Variants in MIS18BP1 observed in about 807,000 individuals in gnomAD.
MIS18BP1 encodes mis18-binding protein 1.
In MIS18BP1, 72 loss-of-function variants were observed where a neutral mutation model predicts 116.1. That is an observed-to-expected ratio of 0.62 (90% confidence interval 0.51 to 0.75). MIS18BP1 has a LOEUF of 0.75. Among genes scored for constraint, MIS18BP1 ranks in the 30% least tolerant of loss-of-function variants. MIS18BP1 has a pLI of 0.00. For missense variants in MIS18BP1, 1,363 were observed against 1,303.2 expected (o/e 1.05, Z -0.71); for synonymous variants, 386 against 427.0 (o/e 0.90, Z 1.18).
intron 13 of MIS18BP1, among the ~76,000 whole-genome samples, chr14:45,215,850 G>T (rs1431301017): frequency 1.3e-5 from 2 of 151,660 alleles, no homozygotes; most frequent in South Asian, 4.2e-4. Context: ...GACTACAGGC[G>T]GCCGCCACCA....
chr14:45,227,340 C>T (rs1185316098), intron 9 of MIS18BP1, among the ~76,000 whole-genome samples: 2 of 151,936 alleles, frequency 1.3e-5, no homozygotes, highest in Non-Finnish European at 2.9e-5. Flanking sequence ...AACCCCGTTA[C>T]TACTAAAAAT....
intron 11 of MIS18BP1, among the ~76,000 whole-genome samples, chr14:45,222,479 T>C (rs1891000845): frequency 6.6e-6 from 1 of 152,198 alleles, no homozygotes; most frequent in African/African-American, 2.4e-5. Context: ...ATGTTAATAT[T>C]TTTATTTTAG....
In MIS18BP1 at chr14:45,227,670, GATAAGT is replaced by G. The variant is rs770391426; in HGVS notation, c.1733_1738del (p.Asp578_Ser580delinsAla). The stretch of plus-strand genomic sequence containing the variant: ...TGTACAATAAAGCCTTACCTGATTA[GATAAGT>G]CATCTCCTCCTCCATTTTGAATAGT... On this transcript the variant is annotated inframe_deletion, in exon 9 of 17. Coordinates refer to ENST00000310806, the MANE Select transcript of MIS18BP1 (RefSeq NM_018353.5). 131 of 1,612,044 alleles carry G rather than the reference GATAAGT, an allele frequency of 8.1e-5. No individual in the cohort carries two copies. The highest frequency in any genetic ancestry group is 1.1e-4 in the Non-Finnish European group (128 of 1,178,494).
At chr14:45,216,060 G>A (rs1890809398) in intron 13 of MIS18BP1, among the ~76,000 whole-genome samples, 1 of 152,132 alleles carries the variant, frequency 6.6e-6, no homozygotes, top group Non-Finnish European at 1.5e-5. Context: ...AGTCTTAAAT[G>A]TGCATTTAAT....
chr14:45,238,417 A>T (rs1197553612), intron 4 of MIS18BP1, among the ~76,000 whole-genome samples: 1 of 152,234 alleles, frequency 6.6e-6, no homozygotes, highest in Non-Finnish European at 1.5e-5. Context: ...TTATATGTAA[A>T]GTTACACATT....
In MIS18BP1 at chr14:45,249,558, C is replaced by T. The variant is rs1891812921; in HGVS notation, c.-91-2181G>A. Among the ~76,000 whole-genome samples, 4 of 151,912 alleles carry T rather than the reference C, an allele frequency of 2.6e-5. No individual in the cohort carries two copies. In the South Asian group the frequency reaches 8.3e-4, roughly 32 times the overall value. On this transcript the variant is annotated intron_variant, in intron 1 of 16. Transcript: ENST00000310806. Reference sequence around the variant, plus strand: ...TTCAAAGAAAGGCAATAAAGCTATACAATCTCTCAAAATCAAAAATGAATA... The same window carrying T: ...TTCAAAGAAAGGCAATAAAGCTATATAATCTCTCAAAATCAAAAATGAATA...
chr14:45,205,948 A>T, intron 15 of MIS18BP1, 135 bp downstream of exon 15: 1 of 579,302 alleles, frequency 1.7e-6, no homozygotes, highest in African/African-American at 1.9e-5. Context: ...TACCTCATTC[A>T]TGGCTTCATT....
intron 2 of MIS18BP1, among the ~76,000 whole-genome samples, chr14:45,245,253 G>A (rs547533225): frequency 6.6e-6 from 1 of 152,230 alleles, no homozygotes; most frequent in African/African-American, 2.4e-5. Context: ...GCATTAGACA[G>A]CTGTCAACTC....
intron 6 of MIS18BP1, among the ~76,000 whole-genome samples, chr14:45,233,665 GACAC>G (rs1891348646): frequency 6.6e-6 from 1 of 152,086 alleles, no homozygotes; most frequent in East Asian, 1.9e-4. Context: ...AGGATGTACT[GACAC>G]ACACACACTG....
chr14:45,203,839 G>C lies in MIS18BP1; in HGVS notation c.*270C>G, dbSNP rs909201105. On this transcript the variant is annotated 3_prime_UTR_variant, in exon 17 of 17. Coordinates refer to ENST00000310806, the MANE Select transcript of MIS18BP1 (RefSeq NM_018353.5). The stretch of plus-strand genomic sequence containing the variant: ...TGGTTTTCTTAAAGTAAACAGACTT[G>C]GATGCTTATTAAAAAATTATCTATA... The C allele has an allele frequency of 1.1e-5, 2 of 185,272 alleles. No individual in the cohort carries two copies. The highest frequency in any genetic ancestry group is 6.2e-5 in the Admixed American group (1 of 16,176). The allele number at this position is 185,272 out of a possible 1,614,324, so 11.5% of individuals were successfully genotyped here.
chr14:45,247,699 CAAAAT>C lies in MIS18BP1; in HGVS notation c.-91-327_-91-323del, dbSNP rs374250550. Among the ~76,000 whole-genome samples, 433 of 151,240 alleles carry C rather than the reference CAAAAT, an allele frequency of 2.9e-3. 4 individuals carry two copies. The highest frequency in any genetic ancestry group is 0.021 in the Admixed American group (313 of 15,152). On this transcript the variant is annotated intron_variant, in intron 1 of 16. Coordinates refer to ENST00000310806, the MANE Select transcript of MIS18BP1 (RefSeq NM_018353.5). Reference sequence around the variant, plus strand: ...TGGGTGACAGAGCAAGACCTTGTCTCAAAATAAAATAAAATAAAATAAAACAAAAT... The same window carrying C: ...TGGGTGACAGAGCAAGACCTTGTCTCAAAATAAAATAAAATAAAACAAAAT...
At position 45,237,664 on chromosome 14, in the gene MIS18BP1, C is replaced by T; in HGVS notation, c.1201G>A (p.Val401Ile). ...TATACTTACATCAATTTTCCTTCTA[C>T]ACATATAGCAGTATTATTATTGATG... Reference protein sequence around the residue: ...KSINNNTAICVEGKLIDVTNI... With the variant: ...KSINNNTAICIEGKLIDVTNI... Residue 401 changes from valine to isoleucine, a missense_variant, in exon 5 of 17, where the codon GTA (valine) becomes ATA (isoleucine). Physicochemically the swap from Val to Ile is conservative, Grantham distance 29 (BLOSUM62 3). Coordinates refer to ENST00000310806, the MANE Select transcript of MIS18BP1 (RefSeq NM_018353.5). 1.3e-6 allele frequency: 2 copies of T among 1,596,822 alleles called. No individual in the cohort carries two copies. Among genetic ancestry groups the T allele is most frequent in the South Asian group, 1.1e-5 (1 of 87,254 alleles).
intron 15 of MIS18BP1, among the ~76,000 whole-genome samples, chr14:45,205,631 G>A (rs1890493573): frequency 6.6e-6 from 1 of 151,980 alleles, no homozygotes; most frequent in African/African-American, 2.4e-5. Context: ...AAAATAAAAA[G>A]TAAAAAAATA....
At chr14:45,230,617 T>TTAG (rs1891247311) in intron 8 of MIS18BP1, among the ~76,000 whole-genome samples, 2 of 152,004 alleles carry the variant, frequency 1.3e-5, no homozygotes, top group African/African-American at 4.8e-5. Flanking sequence ...AAAAAGGTAA[T>TTAG]TATTATTATT....
chr14:45,242,818 T>G lies in MIS18BP1; in HGVS notation c.601A>C (p.Lys201Gln), dbSNP rs1254978544. The change falls in exon 3 of 17, where the codon AAA (lysine) becomes CAA (glutamine). Residue 201 changes from lysine to glutamine, a missense_variant. Lys to Gln is a moderately conservative substitution (Grantham distance 53). Transcript: ENST00000310806. ...TCCTGCTGGCACTGAATCTTTTGTT[T>G]GACCGGGAGGAAAATATCATTATTT... ...SSNNDIFLPV[K>Q]QKIQCQQEKK... is the part of the protein sequence containing the mutation. The G allele has an allele frequency of 3.1e-6, 5 of 1,613,642 alleles. No individual in the cohort carries two copies. Among genetic ancestry groups the G allele is most frequent in the Non-Finnish European group, 4.2e-6 (5 of 1,179,756 alleles).
Position 45,235,912 on chromosome 14 carries a change from A to G in MIS18BP1, c.1250T>C (p.Val417Ala), listed in dbSNP as rs1219405705. 1 of 1,611,350 alleles carries G rather than the reference A, an allele frequency of 6.2e-7. No individual in the cohort carries two copies. Among genetic ancestry groups the G allele is most frequent in the Admixed American group, 1.7e-5 (1 of 59,506 alleles). The stretch of plus-strand genomic sequence containing the variant: ...GTTGTGCTCAATCCGCTCTATAATT[A>G]CATTACTGTGCCAATATATGTTAGT... Reference protein sequence around the residue: ...DVTNIYWHSNVIIERIEHNKL... With the variant: ...DVTNIYWHSNAIIERIEHNKL... The change falls in exon 6 of 17, where the codon GTA becomes GCA. Residue 417 changes from valine to alanine, a missense_variant. Coordinates refer to ENST00000310806, the MANE Select transcript of MIS18BP1 (RefSeq NM_018353.5).
chr14:45,228,839 T>G (rs952997153), intron 8 of MIS18BP1, among the ~76,000 whole-genome samples: 2 of 152,224 alleles, frequency 1.3e-5, no homozygotes, highest in African/African-American at 4.8e-5. Flanking sequence ...AAGTACTTTT[T>G]AGGCAAATCA....
chr14:45,217,886 T>A (rs1048218421), intron 12 of MIS18BP1, among the ~76,000 whole-genome samples: 2 of 152,228 alleles, frequency 1.3e-5, no homozygotes, highest in Non-Finnish European at 2.9e-5. Context: ...TTCTCTGGCA[T>A]AATCAACCTT....
chr14:45,222,908 C>A (rs970243981), intron 11 of MIS18BP1, among the ~76,000 whole-genome samples: 7 of 152,124 alleles, frequency 4.6e-5, no homozygotes, highest in African/African-American at 1.7e-4. Flanking sequence ...AGAAAGAGAA[C>A]AGAAGCAACA....
Sources: allele counts gnomAD v4.1 joint callset (sites outside exome capture counted in the v4.1 genomes callset), GRCh38; gene constraint gnomAD v4.1.1; transcripts MANE v1.5; gene names NCBI Gene and HGNC (gene_info 2026-07-23, HGNC 2026-07-21).